Variants in OCRL observed in about 807,000 individuals in gnomAD.
OCRL encodes OCRL inositol polyphosphate-5-phosphatase.
A neutral mutation model predicts 78.9 loss-of-function variants in OCRL; 8 were observed. The ratio of observed to expected loss-of-function variants is 0.10; its 90% CI spans 0.06 to 0.18. OCRL has a LOEUF of 0.18. Among genes scored for constraint, OCRL ranks in the 10% least tolerant of loss-of-function variants. The pLI, the probability that OCRL is intolerant of heterozygous loss-of-function variation, is 1.00. For synonymous variants in OCRL, 240 were observed against 235.4 expected (o/e 1.02, Z -0.18); for missense variants, 454 against 696.7 (o/e 0.65, Z 3.92).
Position 129,575,959 on chromosome X carries a change from T to C in OCRL, c.1776T>C (p.Asn592=), listed in dbSNP as rs1470384775. Reference sequence around the variant, plus strand: ...AGGAGAAGTTCCAGATCAGCAACAATGGACAGGTTCCCTGCCATTTTTCTT... The same window carrying C: ...AGGAGAAGTTCCAGATCAGCAACAACGGACAGGTTCCCTGCCATTTTTCTT... The part of the protein sequence containing the change: ...LQKEKFQISN[N]GQVPCHFSFI... The change falls in exon 17 of 24, where the codon AAT becomes AAC. Residue 592 remains asparagine, a synonymous_variant. Transcript: ENST00000371113. The C allele has an allele frequency of 1.7e-6, 2 of 1,211,785 alleles. No individual in the cohort carries two copies. The highest frequency in any genetic ancestry group is 3.5e-5 in the African/African-American group (2 of 57,875).
At chrX:129,566,898 C>G (rs924477477) in intron 13 of OCRL, among the ~76,000 whole-genome samples, 5 of 112,486 alleles carry the variant, frequency 4.4e-5, no homozygotes, top group Non-Finnish European at 9.4e-5. Flanking sequence ...ATTATTCATT[C>G]AACATTTGTG....
At chrX:129,562,324 T>G in intron 10 of OCRL, 60 bp from the exon 11 acceptor site, 1 of 885,522 alleles carries the variant, frequency 1.1e-6, no homozygotes. Context: ...CGTGGGACAT[T>G]AGAAATGTGG....
At chrX:129,546,511 A>G (rs1935880605) in intron 3 of OCRL, among the ~76,000 whole-genome samples, 1 of 112,387 alleles carries the variant, frequency 8.9e-6, no homozygotes, top group Non-Finnish European at 1.9e-5. Flanking sequence ...GTTAAGAATT[A>G]AAAATAACTT....
chrX:129,563,411 G>GT (rs980823622), intron 12 of OCRL, among the ~76,000 whole-genome samples: 2 of 111,524 alleles, frequency 1.8e-5, no homozygotes, highest in Non-Finnish European at 1.9e-5. Flanking sequence ...ATACTCACTT[G>GT]TTTTTTTTCT....
intron 12 of OCRL, among the ~76,000 whole-genome samples, chrX:129,563,295 A>G (rs190679248): frequency 8.9e-6 from 1 of 111,804 alleles, no homozygotes; most frequent in Non-Finnish European, 1.9e-5. Context: ...TAAGCTATAT[A>G]TTGGATTTTA....
intron 19 of OCRL, among the ~76,000 whole-genome samples, chrX:129,585,671 C>A (rs755386261): frequency 2.6e-4 from 29 of 111,425 alleles, no homozygotes; most frequent in South Asian, 3.8e-4. Flanking sequence ...GTGATAGAAT[C>A]CCAGGGAAAG....
chrX:129,569,504 C>A, intron 15 of OCRL, 105 bp downstream of exon 15: 1 of 911,166 alleles, frequency 1.1e-6, no homozygotes, highest in Non-Finnish European at 1.6e-6. Context: ...CATAAATGTT[C>A]CATAACCAAA....
At position 129,562,388 on chromosome X, in the gene OCRL, A is replaced by G. The variant is rs769728389; in HGVS notation, c.944A>G (p.Gln315Arg). ...GTAACTCCCCGGAACTCATAGGTTC[A>G]ACTGGTGCGCCTTGTTGGGATGATG... ...LHSKAKYKKVQLVRLVGMMLL... is the reference protein window; with the variant it reads ...LHSKAKYKKVRLVRLVGMMLL... The change falls in exon 11 of 24, where the codon CAA becomes CGA. Residue 315 changes from glutamine (Q) to arginine (R), a missense_variant. Physicochemically the swap from Gln to Arg is conservative, Grantham distance 43 (BLOSUM62 1). Transcript: ENST00000371113. The G allele has an allele frequency of 2.5e-6, 3 of 1,203,822 alleles. No homozygotes were observed. The African/African-American group carries it at 5.3e-5, about 21-fold the overall frequency.
chrX:129,559,279 G>A (rs765152878), intron 8 of OCRL, among the ~76,000 whole-genome samples: 1 of 111,204 alleles, frequency 9.0e-6, no homozygotes, highest in Non-Finnish European at 1.9e-5. Context: ...GCTTACTGTA[G>A]CCTCAACCTC....
intron 4 of OCRL, among the ~76,000 whole-genome samples, chrX:129,548,937 G>T (rs749727513): frequency 8.9e-6 from 1 of 112,030 alleles, no homozygotes; most frequent in African/African-American, 3.2e-5. Flanking sequence ...AGCACATAAG[G>T]TTTATTGGTG....
chrX:129,565,459 T>G (rs908309582), intron 12 of OCRL, among the ~76,000 whole-genome samples: 4 of 112,176 alleles, frequency 3.6e-5, no homozygotes, highest in African/African-American at 1.3e-4. Flanking sequence ...GGCAAAATTT[T>G]GAAGCTTGTC....
At chrX:129,564,199 A>G (rs1360100580) in intron 12 of OCRL, among the ~76,000 whole-genome samples, 2 of 111,104 alleles carry the variant, frequency 1.8e-5, no homozygotes, top group African/African-American at 6.5e-5. Context: ...TAGAATGGCA[A>G]TCATTAAAAA....
intron 2 of OCRL, among the ~76,000 whole-genome samples, chrX:129,544,487 G>A (rs1935851029): frequency 3.6e-5 from 4 of 111,503 alleles, no homozygotes; most frequent in South Asian, 7.6e-4. Flanking sequence ...CCATTCTTTG[G>A]TAAAAAGCCA....
chrX:129,565,669 A>G (rs1020288758), intron 12 of OCRL, 103 bp from the exon 13 acceptor site: 2 of 609,318 alleles, frequency 3.3e-6, no homozygotes, highest in Non-Finnish European at 5.6e-6. Flanking sequence ...GATAGTGGTG[A>G]GTGAGCCCTT....
intron 4 of OCRL, among the ~76,000 whole-genome samples, chrX:129,555,521 C>T (rs1279249564): frequency 8.9e-6 from 1 of 112,113 alleles, no homozygotes; most frequent in Admixed American, 9.4e-5. Flanking sequence ...AATTTTAATG[C>T]ATGCATAGTT....
intron 10 of OCRL, 81 bp downstream of exon 10, chrX:129,561,374 C>A: frequency 1.6e-6 from 1 of 608,113 alleles, no homozygotes; most frequent in Non-Finnish European, 2.8e-6. Flanking sequence ...ACAACTTGTT[C>A]CAAAAGAATA....
chrX:129,545,177 G>C (rs1046228838), intron 3 of OCRL, 140 bp downstream of exon 3: 1 of 462,363 alleles, frequency 2.2e-6, no homozygotes, highest in African/African-American at 2.4e-5. Flanking sequence ...ATAACATTGA[G>C]GAGATGATAC....
chrX:129,571,538 TAGCC>T (rs1936302680), intron 15 of OCRL, among the ~76,000 whole-genome samples: 1 of 109,137 alleles, frequency 9.2e-6, no homozygotes, highest in Non-Finnish European at 1.9e-5. Context: ...TTCACCATGT[TAGCC>T]AGGATGATCT....
At chrX:129,567,143 A>G in intron 13 of OCRL, 111 bp from the exon 14 acceptor site, 1 of 546,207 alleles carries the variant, frequency 1.8e-6, no homozygotes, top group Non-Finnish European at 3.3e-6. Context: ...TACAGTTGTA[A>G]AGGTTGTGGA....
Sources: allele counts gnomAD v4.1 joint callset (sites outside exome capture counted in the v4.1 genomes callset), GRCh38; gene constraint gnomAD v4.1.1; transcripts MANE v1.5; gene names NCBI Gene and HGNC (gene_info 2026-07-23, HGNC 2026-07-21).